Variants in RBFOX3 observed in about 807,000 individuals in gnomAD.
The protein encoded by RBFOX3 is RNA binding protein fox-1 homolog 3.
In RBFOX3, 17 loss-of-function variants were observed where a neutral mutation model predicts 48.7. That is an observed-to-expected ratio of 0.35 (90% CI 0.24 to 0.52). The LOEUF is 0.52. Ranked by LOEUF, RBFOX3 falls within the 20% of genes least tolerant of loss-of-function variation. The pLI is 0.94. For missense variants in RBFOX3, 382 were observed against 497.5 expected (o/e 0.77, Z 2.21); for synonymous variants, 212 against 209.5 (o/e 1.01, Z -0.10).
At chr17:79,245,429 T>A (rs945313465) in intron 3 of RBFOX3, among the ~76,000 whole-genome samples, 2 of 151,842 alleles carry the variant, frequency 1.3e-5, no homozygotes, top group Non-Finnish European at 1.5e-5. Flanking sequence ...TTGGTTTGAA[T>A]TTTTTGTGGT....
At chr17:79,612,278 T>G (rs2093975025), upstream of RBFOX3, among the ~76,000 whole-genome samples, 1 of 152,236 alleles carries the variant, frequency 6.6e-6, no homozygotes, top group Admixed American at 6.5e-5. Context: ...CCCGTCCCCA[T>G]GTCACTTTTG....
intron 2 of RBFOX3, among the ~76,000 whole-genome samples, chr17:79,435,663 T>A (rs2069285828): frequency 6.6e-6 from 1 of 152,222 alleles, no homozygotes. Flanking sequence ...CCCGGGCCCC[T>A]GGGCCCTCCA....
intron 2 of RBFOX3, among the ~76,000 whole-genome samples, chr17:79,337,981 C>G (rs188332800): frequency 2.8e-3 from 428 of 151,602 alleles, no homozygotes; most frequent in African/African-American, 9.9e-3. Flanking sequence ...CAGTGTCACC[C>G]AGGTTGGAGC....
intron 2 of RBFOX3, among the ~76,000 whole-genome samples, chr17:79,356,373 T>TTTTTGTTTTTTTTTTTTTTG (rs1555684872): frequency 1.1e-5 from 1 of 88,990 alleles, no homozygotes; most frequent in Non-Finnish European, 2.2e-5. Context: ...TTTTTTTTTT[T>TTTTTGTTTTTTTTTTTTTTG]TTTTTTTTTT....
chr17:79,606,735 C>T (rs1287980725), intron 1 of RBFOX3, among the ~76,000 whole-genome samples: 1 of 152,186 alleles, frequency 6.6e-6, no homozygotes, highest in African/African-American at 2.4e-5. Context: ...GAACAGGCCC[C>T]GCCGGGTATG....
chr17:79,285,108 T>C (rs554953508), intron 3 of RBFOX3, among the ~76,000 whole-genome samples: 2 of 152,316 alleles, frequency 1.3e-5, no homozygotes, highest in South Asian at 4.1e-4. Context: ...GCGGATGTGT[T>C]GGAGGATGAG....
intron 4 of RBFOX3, among the ~76,000 whole-genome samples, chr17:79,159,513 G>A (rs1411141754): frequency 1.3e-5 from 2 of 152,148 alleles, no homozygotes; most frequent in Non-Finnish European, 2.9e-5. Flanking sequence ...GGAGACTCCT[G>A]GAACACCCCT....
intron 2 of RBFOX3, among the ~76,000 whole-genome samples, chr17:79,317,587 G>A (rs2077715387): frequency 6.6e-6 from 1 of 152,218 alleles, no homozygotes; most frequent in Non-Finnish European, 1.5e-5. Context: ...TAGTGAAGGG[G>A]ATGTTTCTCC....
At chr17:79,322,345 G>A (rs1469502611) in intron 2 of RBFOX3, among the ~76,000 whole-genome samples, 10 of 152,214 alleles carry the variant, frequency 6.6e-5, no homozygotes, top group Admixed American at 6.5e-4. Context: ...GAACTGGAAT[G>A]CTGATGGGCT....
chr17:79,543,313 T>C (rs2089974307), intron 1 of RBFOX3, among the ~76,000 whole-genome samples: 1 of 152,152 alleles, frequency 6.6e-6, no homozygotes, highest in Non-Finnish European at 1.5e-5. Flanking sequence ...GCGAGGCCAA[T>C]GCTGCCTTCA....
intron 3 of RBFOX3, among the ~76,000 whole-genome samples, chr17:79,260,544 G>T (rs569283004): frequency 1.3e-5 from 2 of 152,328 alleles, no homozygotes; most frequent in African/African-American, 2.4e-5. Flanking sequence ...CGGGTGAGGG[G>T]TCAGCTGCTG....
chr17:79,220,076 G>A lies in RBFOX3; in HGVS notation c.-34+15690C>T, dbSNP rs1217060019. 6.6e-6 allele frequency among the ~76,000 whole-genome samples: 1 copy of A among 151,174 alleles called. No homozygotes were observed. The highest frequency in any genetic ancestry group is 2.0e-4 in the East Asian group (1 of 5,116). ...GGGGAAGGGTGGCATGGCCTGGGAA[G>A]GCACGGGGTGGGGGGGTGGGGGGAG... On this transcript the variant is annotated intron_variant, in intron 4 of 14. Transcript: ENST00000693108. This position sits in a 1 kb window ranked among gnomAD's most constrained non-coding sequence, Gnocchi z 5.9.
At chr17:79,598,681 C>T (rs1259921530) in intron 1 of RBFOX3, 8 of 152,150 alleles carry the variant, frequency 5.3e-5, no homozygotes, top group East Asian at 1.9e-4. Flanking sequence ...GCAACAGAGA[C>T]GCAGGGACCG....
At chr17:79,397,655 C>T (rs1162145962) in intron 2 of RBFOX3, among the ~76,000 whole-genome samples, 1 of 150,528 alleles carries the variant, frequency 6.6e-6, no homozygotes, top group East Asian at 1.9e-4. Context: ...GCCCAGCTCA[C>T]ACCTCACTGA....
At chr17:79,226,794 C>T (rs1271540144) in intron 4 of RBFOX3, among the ~76,000 whole-genome samples, 1 of 152,176 alleles carries the variant, frequency 6.6e-6, no homozygotes, top group Non-Finnish European at 1.5e-5. Context: ...TAAAAAATAT[C>T]ACATTAATCA....
Position 79,112,904 on chromosome 17 carries a change from CG to C in RBFOX3, c.222+2589del, listed in dbSNP as rs1271126513. Among the ~76,000 whole-genome samples, 92 of 10,318 alleles carry C rather than the reference CG, an allele frequency of 8.9e-3. 1 individual carries two copies. Among genetic ancestry groups the C allele is most frequent in the South Asian group, 0.044 (19 of 428 alleles). The allele number at this position is 10,318 out of a possible 152,430, so 6.8% of individuals were successfully genotyped here. ...GGTGCCAACCTGGGCAGCAGGCTCT[CG>C]GGGGGGGGGTGGGCTGGGTAGGACT... On this transcript the variant is annotated intron_variant, in intron 5 of 14. Coordinates refer to ENST00000693108, the MANE Select transcript of RBFOX3 (RefSeq NM_001350451.2).
At chr17:79,221,137 CAG>C (rs967411001) in intron 4 of RBFOX3, among the ~76,000 whole-genome samples, 7 of 152,336 alleles carry the variant, frequency 4.6e-5, no homozygotes, top group African/African-American at 1.7e-4. Context: ...GCGCTGTTGA[CAG>C]AGGCCTCTCA....
chr17:79,158,106 C>A (rs558007633), intron 4 of RBFOX3, among the ~76,000 whole-genome samples: 1 of 149,678 alleles, frequency 6.7e-6, no homozygotes, highest in East Asian at 1.9e-4. Context: ...CAAGAAGAGG[C>A]GATTAGGACA....
chr17:79,286,945 C>T (rs564693044), intron 3 of RBFOX3, among the ~76,000 whole-genome samples: 46 of 152,288 alleles, frequency 3.0e-4, no homozygotes, highest in African/African-American at 1.0e-3. Context: ...ACCCTATGTG[C>T]GTGTCAAGTG....
Sources: gnomAD v4.1 joint callset for allele counts (sites outside exome capture counted in the v4.1 genomes callset) on GRCh38, gnomAD v4.1.1 for gene constraint, Gnocchi (gnomAD v3.1) non-coding constraint, MANE v1.5 for transcripts, NCBI Gene and HGNC (gene_info 2026-07-23, HGNC 2026-07-21) for gene names.